ERBB4: variants seen among roughly 807,000 people sequenced by gnomAD.
ERBB4 encodes the protein receptor tyrosine-protein kinase erbB-4.
Under a neutral mutation model 158.0 loss-of-function variants are expected in ERBB4, and 42 were observed. The ratio of observed to expected loss-of-function variants is 0.27; its 90% CI spans 0.21 to 0.34. ERBB4 has a LOEUF of 0.34. Among genes scored for constraint, ERBB4 ranks in the 10% least tolerant of loss-of-function variants. The pLI, the probability that ERBB4 is intolerant of heterozygous loss-of-function variation, is 1.00. For missense variants in ERBB4, 1,333 were observed against 1,624.1 expected (o/e 0.82, Z 3.08); for synonymous variants, 583 against 558.7 (o/e 1.04, Z -0.61).
chr2:212,464,823 CG>C (rs1688746415), intron 1 of ERBB4, among the ~76,000 whole-genome samples: 1 of 151,596 alleles, frequency 6.6e-6, no homozygotes. Flanking sequence ...TACATATAGT[CG>C]GCACTCAAAA....
intron 4 of ERBB4, among the ~76,000 whole-genome samples, chr2:211,782,347 T>C (rs1457882616): frequency 6.6e-6 from 1 of 152,210 alleles, no homozygotes; most frequent in African/African-American, 2.4e-5. Flanking sequence ...TGGAATAAAC[T>C]ATTGCAGTAA....
intron 4 of ERBB4, among the ~76,000 whole-genome samples, chr2:211,756,061 T>C (rs993453413): frequency 2.6e-5 from 4 of 152,100 alleles, no homozygotes; most frequent in African/African-American, 7.2e-5. Flanking sequence ...AAGTAGAACA[T>C]TGATTGAAAG....
intron 20 of ERBB4, among the ~76,000 whole-genome samples, chr2:211,433,026 A>C (rs114502769): frequency 6.6e-6 from 1 of 152,194 alleles, no homozygotes; most frequent in African/African-American, 2.4e-5. Context: ...GGGTTGAATG[A>C]TGTCTCCCAA....
intron 1 of ERBB4, among the ~76,000 whole-genome samples, chr2:212,356,418 T>C (rs1172945316): frequency 6.6e-6 from 1 of 152,026 alleles, no homozygotes; most frequent in African/African-American, 2.4e-5. Flanking sequence ...GAATAAAGCC[T>C]TGTAAAAAAT....
rs895296311 is a variant in ERBB4, at chr2:212,036,991, T to A, written c.234+87761A>T. On this transcript the variant is annotated intron_variant, in intron 2 of 27. Coordinates refer to ENST00000342788, the MANE Select transcript of ERBB4 (RefSeq NM_005235.3). ...ACTTGGTAGAACAGTTTGAGGGCTA[T>A]TTCTAGGCAAAAGAAATAGGCGCTA... 3.9e-5 allele frequency among the ~76,000 whole-genome samples: 6 copies of A among 152,188 alleles called. 1 individual carries two copies. The South Asian group carries it at 1.2e-3, about 31-fold the overall frequency.
At chr2:211,975,183 T>C (rs1375725046) in intron 2 of ERBB4, among the ~76,000 whole-genome samples, 2 of 152,170 alleles carry the variant, frequency 1.3e-5, no homozygotes, top group Non-Finnish European at 2.9e-5. Context: ...GCTTTTGCCT[T>C]GTTGCTCAAG....
Position 212,502,284 on chromosome 2 carries a change from A to G in ERBB4, c.82+36165T>C, listed in dbSNP as rs1348769016. 3.9e-5 allele frequency among the ~76,000 whole-genome samples: 6 copies of G among 152,310 alleles called. No homozygotes were observed. The East Asian group carries it at 1.2e-3, about 29-fold the overall frequency. ...TATATTTATTAAGAATCATCATAGAAAAAAGTGTATTACTTAACAATAAAA... is the reference window on the plus strand; with the variant it reads ...TATATTTATTAAGAATCATCATAGAGAAAAGTGTATTACTTAACAATAAAA... On this transcript the variant is annotated intron_variant, in intron 1 of 27. Coordinates refer to ENST00000342788, the MANE Select transcript of ERBB4 (RefSeq NM_005235.3).
chr2:212,330,384 C>T (rs1008982833), intron 1 of ERBB4, among the ~76,000 whole-genome samples: 3 of 151,944 alleles, frequency 2.0e-5, no homozygotes, highest in African/African-American at 2.4e-5. Flanking sequence ...TTTAGAAGCC[C>T]GAGGCTTGCC....
At chr2:211,811,498 T>G (rs905914623) in intron 3 of ERBB4, among the ~76,000 whole-genome samples, 3 of 151,990 alleles carry the variant, frequency 2.0e-5, no homozygotes, top group African/African-American at 7.3e-5. Context: ...TGTCTCGGGG[T>G]TGCTCTTCTC....
intron 1 of ERBB4, among the ~76,000 whole-genome samples, chr2:212,472,109 T>C (rs1689143934): frequency 6.6e-6 from 1 of 151,928 alleles, no homozygotes; most frequent in Admixed American, 6.6e-5. Context: ...ATCAAATATG[T>C]TCAACATAAA....
intron 1 of ERBB4, among the ~76,000 whole-genome samples, chr2:212,456,958 C>T (rs2106049030): frequency 6.6e-6 from 1 of 151,914 alleles, no homozygotes. Context: ...TTCTTTATAA[C>T]TTTGCCCCAA....
At chr2:212,058,580 AG>A (rs2077656648) in intron 2 of ERBB4, among the ~76,000 whole-genome samples, 2 of 152,316 alleles carry the variant, frequency 1.3e-5, no homozygotes, top group African/African-American at 2.4e-5. Flanking sequence ...CACATCAAAA[AG>A]CTTATCCACC....
intron 25 of ERBB4, among the ~76,000 whole-genome samples, chr2:211,398,925 T>C (rs947521401): frequency 2.6e-5 from 4 of 152,162 alleles, no homozygotes; most frequent in Admixed American, 1.3e-4. Flanking sequence ...GTAACTATGA[T>C]CCTTGCCAGT....
In ERBB4 at chr2:211,792,542, A is replaced by G. The variant is rs116412389; in HGVS notation, c.422-4383T>C. Among the ~76,000 whole-genome samples, 1,409 of 151,954 alleles carry G rather than the reference A, an allele frequency of 9.3e-3. 28 individuals are homozygous for G. Among genetic ancestry groups the G allele is most frequent in the African/African-American group, 0.032 (1,339 of 41,506 alleles). ...TAACCTATTTTGTACACAAAACTCA[A>G]TTATTAGTTACCAGGTAAATAATGA... On this transcript the variant is annotated intron_variant, in intron 3 of 27. Coordinates refer to ENST00000342788, the MANE Select transcript of ERBB4 (RefSeq NM_005235.3).
intron 1 of ERBB4, among the ~76,000 whole-genome samples, chr2:212,187,067 G>A (rs903560672): frequency 7.6e-4 from 116 of 152,118 alleles, no homozygotes; most frequent in African/African-American, 2.6e-3. Flanking sequence ...CTCAGAGGCC[G>A]AACCCTAAGG....
At chr2:212,231,948 CTTA>C (rs1164644533) in intron 1 of ERBB4, among the ~76,000 whole-genome samples, 1 of 152,084 alleles carries the variant, frequency 6.6e-6, no homozygotes, top group Non-Finnish European at 1.5e-5. Flanking sequence ...GAAGCTTTTA[CTTA>C]TTGTTTTTAT....
intron 3 of ERBB4, among the ~76,000 whole-genome samples, chr2:211,806,336 T>C (rs2076614580): frequency 6.6e-6 from 1 of 152,150 alleles, no homozygotes; most frequent in African/African-American, 2.4e-5. Flanking sequence ...TAACTTCAAA[T>C]ACTAAGTGAA....
At chr2:212,308,447 G>A (rs16848312) in intron 1 of ERBB4, among the ~76,000 whole-genome samples, 20,466 of 150,820 alleles carry the variant, frequency 0.14, 1,478 homozygotes, top group South Asian at 0.23. Context: ...TCTATGAAAC[G>A]TCTCATTGCT....
intron 2 of ERBB4, among the ~76,000 whole-genome samples, chr2:211,968,574 T>C (rs2081368100): frequency 6.6e-6 from 1 of 152,068 alleles, no homozygotes; most frequent in Admixed American, 6.6e-5. Flanking sequence ...GTTGCAGATA[T>C]ATTTTATTTA....
Sources: allele counts gnomAD v4.1 joint callset (sites outside exome capture counted in the v4.1 genomes callset), GRCh38; gene constraint gnomAD v4.1.1; transcripts MANE v1.5; gene names NCBI Gene and HGNC (gene_info 2026-07-23, HGNC 2026-07-21).